Variants in CTNNBIP1 observed in about 807,000 individuals in gnomAD.
CTNNBIP1 encodes catenin beta interacting protein 1.
CTNNBIP1 carries 7 observed loss-of-function variants against 11.8 expected under a neutral mutation model. The observed-to-expected ratio is 0.60, with a 90% CI of 0.34 to 1.12. CTNNBIP1 has a LOEUF of 1.12. Ranked by LOEUF, CTNNBIP1 falls within the 50% of genes most tolerant of loss-of-function variation. The probability of loss-of-function intolerance (pLI) is 0.03; values close to 1 mark genes in which losing one functional copy is unlikely to be tolerated. For synonymous variants in CTNNBIP1, 58 were observed against 43.9 expected (o/e 1.32, Z -1.26); for missense variants, 101 against 113.4 (o/e 0.89, Z 0.50).
intron 1 of CTNNBIP1, among the ~76,000 whole-genome samples, chr1:9,894,734 C>T (rs924120065): frequency 6.6e-6 from 1 of 150,480 alleles, no homozygotes; most frequent in Admixed American, 6.6e-5. Context: ...CACCATGTTG[C>T]CCAGGCTAGT....
chr1:9,881,614 T>A (rs574970226), intron 2 of CTNNBIP1, among the ~76,000 whole-genome samples: 1 of 151,994 alleles, frequency 6.6e-6, no homozygotes, highest in African/African-American at 2.4e-5. Flanking sequence ...GCTGGGATTA[T>A]AGGCATGAGC....
At chr1:9,891,778 T>A (rs999266457) in intron 1 of CTNNBIP1, among the ~76,000 whole-genome samples, 1 of 142,112 alleles carries the variant, frequency 7.0e-6, no homozygotes, top group Non-Finnish European at 1.5e-5. Flanking sequence ...CCCATCTCTT[T>A]AAATTTTTTT....
chr1:9,855,255 C>T lies in CTNNBIP1; in HGVS notation c.188-4479G>A, dbSNP rs990089018. ...TTCTTGGGGAGTTTGTAAAAATTGC[C>T]TTTTTTTTTTTTTTTTTTGTAGAAA... On this transcript the variant is annotated intron_variant, in intron 5 of 5. Transcript: ENST00000377263. Among the ~76,000 whole-genome samples the T allele has an allele frequency of 2.2e-3, 279 of 127,384 alleles. 2 individuals carry two copies. Among genetic ancestry groups the T allele is most frequent in the African/African-American group, 7.6e-3 (254 of 33,358 alleles). The allele number at this position is 127,384 out of a possible 152,430, so 83.6% of individuals were successfully genotyped here.
At chr1:9,909,569 T>A (rs1016232404) in intron 1 of CTNNBIP1, among the ~76,000 whole-genome samples, 2 of 151,966 alleles carry the variant, frequency 1.3e-5, no homozygotes, top group African/African-American at 4.8e-5. Flanking sequence ...GGTGGTTAAT[T>A]TTGCAGGTTC....
chr1:9,873,880 T>C (rs1361377641), intron 3 of CTNNBIP1, among the ~76,000 whole-genome samples: 1 of 152,044 alleles, frequency 6.6e-6, no homozygotes, highest in Non-Finnish European at 1.5e-5. Context: ...GGGCCACAGG[T>C]GCACATCACC....
In CTNNBIP1 at chr1:9,849,873, G is replaced by A. The variant is rs1009276541; in HGVS notation, c.*845C>T. 6.6e-6 allele frequency: 1 copy of A among 152,104 alleles called. No homozygotes were observed. Among genetic ancestry groups the A allele is most frequent in the Admixed American group, 6.6e-5 (1 of 15,264 alleles). 9.4% of individuals were successfully genotyped at this position (152,104 alleles called of 1,614,324 possible). Reference sequence around the variant, plus strand: ...AGGCCCTGGGCTGCTCGTTCAAGACGACACAAAGCTCCTCAGGGGCCCAAC... The same window carrying A: ...AGGCCCTGGGCTGCTCGTTCAAGACAACACAAAGCTCCTCAGGGGCCCAAC... On this transcript the variant is annotated 3_prime_UTR_variant, in exon 6 of 6. Coordinates refer to ENST00000377263, the MANE Select transcript of CTNNBIP1 (RefSeq NM_020248.3).
chr1:9,894,325 A>C (rs1270399095), intron 1 of CTNNBIP1, among the ~76,000 whole-genome samples: 1 of 152,130 alleles, frequency 6.6e-6, no homozygotes, highest in African/African-American at 2.4e-5. Context: ...ACATAACCAC[A>C]ATATCATTAA....
intron 2 of CTNNBIP1, among the ~76,000 whole-genome samples, chr1:9,878,704 G>C (rs983964730): frequency 2.0e-5 from 3 of 152,180 alleles, no homozygotes; most frequent in African/African-American, 7.2e-5. Flanking sequence ...ATTGCCGAGT[G>C]GGCGGAGACA....
intron 5 of CTNNBIP1, among the ~76,000 whole-genome samples, chr1:9,854,732 A>C (rs1443208123): frequency 6.6e-6 from 1 of 152,066 alleles, no homozygotes; most frequent in Non-Finnish European, 1.5e-5. Context: ...GCCAGAGTGC[A>C]GTGGCATAAT....
intron 1 of CTNNBIP1, among the ~76,000 whole-genome samples, chr1:9,903,957 C>T (rs1422029945): frequency 6.6e-6 from 1 of 152,194 alleles, no homozygotes; most frequent in Non-Finnish European, 1.5e-5. Flanking sequence ...CGACCTCAAA[C>T]ACTTTACTTA....
At chr1:9,864,835 A>G (rs1187862295) in intron 5 of CTNNBIP1, among the ~76,000 whole-genome samples, 1 of 152,236 alleles carries the variant, frequency 6.6e-6, no homozygotes, top group East Asian at 1.9e-4. Flanking sequence ...CAGGGTAAAA[A>G]TGCAGCAGAA....
chr1:9,868,623 AATTATT>A (rs199911299), intron 5 of CTNNBIP1, among the ~76,000 whole-genome samples: 7 of 152,224 alleles, frequency 4.6e-5, no homozygotes, highest in Admixed American at 1.3e-4. Context: ...ATCCCCTAAC[AATTATT>A]ATTATTATTA....
chr1:9,902,272 A>G (rs915318032), intron 1 of CTNNBIP1, among the ~76,000 whole-genome samples: 1 of 152,170 alleles, frequency 6.6e-6, no homozygotes, highest in Non-Finnish European at 1.5e-5. Context: ...AACTCTGCAG[A>G]GACAAGGTCT....
Position 9,871,864 on chromosome 1 carries a change from C to A in CTNNBIP1, c.96+105G>T. The A allele has an allele frequency of 1.0e-6, 1 of 987,646 alleles. No individual in the cohort carries two copies. Among genetic ancestry groups the A allele is most frequent in the Middle Eastern group, 2.2e-4 (1 of 4,514 alleles). The allele number at this position is 987,646 out of a possible 1,614,324, so 61.2% of individuals were successfully genotyped here. On this transcript the variant is annotated intron_variant, in intron 4 of 5. Coordinates refer to ENST00000377263, the MANE Select transcript of CTNNBIP1 (RefSeq NM_020248.3). The surrounding 1 kb of genome is among the most constrained non-coding windows in gnomAD (Gnocchi z 5.2). ...GCGGCCCCTCCTCAGCCCGTGGCTC[C>A]GCAGGAGGCAGCCGCAGTGGCTCCA...
intron 3 of CTNNBIP1, among the ~76,000 whole-genome samples, chr1:9,875,149 C>T (rs1453391030): frequency 3.3e-5 from 5 of 152,202 alleles, no homozygotes; most frequent in African/African-American, 4.8e-5. Flanking sequence ...AGTCCTTAGC[C>T]GACGTGGGAA....
intron 1 of CTNNBIP1, among the ~76,000 whole-genome samples, chr1:9,907,908 C>T (rs1012378565): frequency 6.6e-6 from 1 of 152,204 alleles, no homozygotes; most frequent in African/African-American, 2.4e-5. Flanking sequence ...AGAATCCAGT[C>T]TCTACACAGT....
At chr1:9,856,652 T>G (rs1286737710) in intron 5 of CTNNBIP1, among the ~76,000 whole-genome samples, 6 of 151,806 alleles carry the variant, frequency 4.0e-5, no homozygotes, top group African/African-American at 1.5e-4. Context: ...TACCTGGGAT[T>G]ACAGTCGCCA....
intron 1 of CTNNBIP1, among the ~76,000 whole-genome samples, chr1:9,901,099 C>T (rs1557767466): frequency 2.0e-5 from 3 of 152,246 alleles, no homozygotes; most frequent in African/African-American, 7.2e-5. Flanking sequence ...GGCCCCTCCC[C>T]AACACACAAA....
In CTNNBIP1 at chr1:9,850,692, T is replaced by C. The variant is rs369489912; in HGVS notation, c.*26A>G. On this transcript the variant is annotated 3_prime_UTR_variant, in exon 6 of 6. Coordinates refer to ENST00000377263, the MANE Select transcript of CTNNBIP1 (RefSeq NM_020248.3). ...ACAGATCTCTTGGCCCTCAACAGCA[T>C]CCAGGGTGTTCCAAGGGCTTTGCAG... 4 of 1,611,350 alleles carry C rather than the reference T, an allele frequency of 2.5e-6. No homozygotes were observed. In the African/African-American group the frequency reaches 5.3e-5, roughly 22 times the overall value.
Sources: allele counts gnomAD v4.1 joint callset (sites outside exome capture counted in the v4.1 genomes callset), GRCh38; gene constraint gnomAD v4.1.1; non-coding constraint Gnocchi (gnomAD v3.1); transcripts MANE v1.5; gene names NCBI Gene and HGNC (gene_info 2026-07-23, HGNC 2026-07-21).